Variants in DGKB observed in about 807,000 individuals in gnomAD.
DGKB encodes the protein 90 kDa diacylglycerol kinase.
DGKB carries 67 observed loss-of-function variants against 114.3 expected under a neutral mutation model. The observed-to-expected ratio is 0.59, with a 90% CI of 0.48 to 0.72. The LOEUF is 0.72. Ranked by LOEUF, DGKB falls within the 30% of genes least tolerant of loss-of-function variation. DGKB has a pLI of 0.00. For synonymous variants in DGKB, 398 were observed against 323.1 expected, an observed-to-expected ratio of 1.23 and a Z score of -2.49; for missense variants, 907 against 975.2, an observed-to-expected ratio of 0.93 and a Z score of 0.93.
chr7:14,868,199 T>C (rs993562717), intron 1 of DGKB, among the ~76,000 whole-genome samples: 2 of 152,132 alleles, frequency 1.3e-5, no homozygotes, highest in Non-Finnish European at 2.9e-5. Flanking sequence ...GTGGATGCTT[T>C]TGTGGAAAAA....
At chr7:14,596,619 T>G (rs1165911648) in intron 17 of DGKB, among the ~76,000 whole-genome samples, 1 of 152,192 alleles carries the variant, frequency 6.6e-6, no homozygotes, top group Non-Finnish European at 1.5e-5. Context: ...CCTCTTTTAG[T>G]CAGATCCTAA....
intron 23 of DGKB, among the ~76,000 whole-genome samples, chr7:14,235,908 G>A (rs1322535226): frequency 6.6e-6 from 1 of 151,956 alleles, no homozygotes; most frequent in East Asian, 1.9e-4. Flanking sequence ...TGCTTACCTA[G>A]TGCACGTGTG....
chr7:14,825,603 G>A (rs924254318), intron 2 of DGKB, among the ~76,000 whole-genome samples: 6 of 152,114 alleles, frequency 3.9e-5, no homozygotes, highest in African/African-American at 7.2e-5. Flanking sequence ...AAGCGATGGC[G>A]AGTGGCTGTA....
intron 2 of DGKB, among the ~76,000 whole-genome samples, chr7:14,762,008 G>C (rs1176403865): frequency 6.6e-6 from 1 of 152,076 alleles, no homozygotes; most frequent in Non-Finnish European, 1.5e-5. Context: ...GGCTTGACTG[G>C]CAGGGCAGGA....
chr7:14,934,623 C>A lies in DGKB; in HGVS notation c.-188+40073G>T, dbSNP rs573037196. Among the ~76,000 whole-genome samples, 8 of 152,252 alleles carry A rather than the reference C, an allele frequency of 5.3e-5. No homozygotes were observed. In the East Asian group the frequency reaches 1.5e-3, roughly 29 times the overall value. Reference sequence around the variant, plus strand: ...TAAAAGTGATCTTTATACATACATTCTACCAATCTTTGTTTGGTTTATAAA... The same window carrying A: ...TAAAAGTGATCTTTATACATACATTATACCAATCTTTGTTTGGTTTATAAA... On this transcript the variant is annotated intron_variant, in intron 1 of 4. Coordinates refer to the DGKB transcript ENST00000437998.
chr7:14,157,462 A>C (rs1343955794), intron 25 of DGKB, among the ~76,000 whole-genome samples: 1 of 152,034 alleles, frequency 6.6e-6, no homozygotes, highest in Non-Finnish European at 1.5e-5. Context: ...CTAACATCAA[A>C]TTCAGAGAAA....
intron 23 of DGKB, among the ~76,000 whole-genome samples, chr7:14,296,367 G>T (rs573030595): frequency 6.6e-6 from 1 of 152,198 alleles, no homozygotes; most frequent in East Asian, 1.9e-4. Flanking sequence ...GTATTCCATG[G>T]TATATTTGTG....
At chr7:14,476,456 G>A (rs1374080162) in intron 21 of DGKB, among the ~76,000 whole-genome samples, 2 of 152,022 alleles carry the variant, frequency 1.3e-5, no homozygotes, top group African/African-American at 4.8e-5. Context: ...ATTTTGAAAT[G>A]CACCTGGAGA....
At chr7:14,807,935 A>T (rs186073516) in intron 2 of DGKB, among the ~76,000 whole-genome samples, 6 of 152,162 alleles carry the variant, frequency 3.9e-5, no homozygotes, top group Admixed American at 3.9e-4. Flanking sequence ...CCAGGAATAG[A>T]TATCATGATG....
chr7:14,147,137 G>A lies in DGKB; in HGVS notation c.*1994C>T, dbSNP rs1393115116. 6.6e-6 allele frequency: 1 copy of A among 152,126 alleles called. No individual in the cohort carries two copies. Among genetic ancestry groups the A allele is most frequent in the African/African-American group, 2.4e-5 (1 of 41,452 alleles). 9.4% of individuals were successfully genotyped at this position (152,126 alleles called of 1,614,324 possible). A position where few individuals can be genotyped will look rare whatever the true frequency, so the allele number is the denominator to read the frequency against. On this transcript the variant is annotated 3_prime_UTR_variant, in exon 26 of 26. Transcript: ENST00000402815. ...CCATAGATACAAAAAATCAATGTGTGTGTTACGTAACATTATGTCAGTAAT... is the reference window on the plus strand; with the variant it reads ...CCATAGATACAAAAAATCAATGTGTATGTTACGTAACATTATGTCAGTAAT...
intron 6 of DGKB, among the ~76,000 whole-genome samples, chr7:14,713,367 A>G (rs1827673555): frequency 6.6e-6 from 1 of 152,060 alleles, no homozygotes; most frequent in South Asian, 2.1e-4. Context: ...AATTTCTTTA[A>G]TTCACTTTTT....
At chr7:14,698,492 A>G (rs1187790392) in intron 7 of DGKB, among the ~76,000 whole-genome samples, 1 of 152,152 alleles carries the variant, frequency 6.6e-6, no homozygotes, top group Non-Finnish European at 1.5e-5. Context: ...TGTGATTTTT[A>G]AGACACTGAA....
At chr7:14,650,797 A>G (rs1302574604) in intron 13 of DGKB, among the ~76,000 whole-genome samples, 1 of 147,344 alleles carries the variant, frequency 6.8e-6, no homozygotes, top group Non-Finnish European at 1.5e-5. Flanking sequence ...AGACGCAATA[A>G]AAAATGATAA....
chr7:14,725,440 T>C (rs1829875647), intron 5 of DGKB, among the ~76,000 whole-genome samples: 1 of 152,202 alleles, frequency 6.6e-6, no homozygotes, highest in African/African-American at 2.4e-5. Flanking sequence ...AAAGAGCCCA[T>C]GATGCCAAAT....
chr7:14,264,031 G>C (rs2128418047), intron 23 of DGKB, among the ~76,000 whole-genome samples: 1 of 152,180 alleles, frequency 6.6e-6, no homozygotes, highest in Middle Eastern at 3.4e-3. Flanking sequence ...TTTGTAGAGG[G>C]AGTGCAGTTC....
At chr7:14,757,494 A>G (rs940798823) in intron 3 of DGKB, among the ~76,000 whole-genome samples, 161 bp downstream of exon 3, 2 of 151,998 alleles carry the variant, frequency 1.3e-5, no homozygotes, top group Non-Finnish European at 2.9e-5. Flanking sequence ...ATATATACAC[A>G]CACATACACA....
At chr7:14,654,623 A>G (rs1005404842) in intron 13 of DGKB, among the ~76,000 whole-genome samples, 1 of 152,084 alleles carries the variant, frequency 6.6e-6, no homozygotes, top group Admixed American at 6.6e-5. Flanking sequence ...TGTGACTTCC[A>G]AGTATATCAC....
At chr7:14,565,317 G>A (rs902833314) in intron 20 of DGKB, among the ~76,000 whole-genome samples, 1 of 152,134 alleles carries the variant, frequency 6.6e-6, no homozygotes, top group Non-Finnish European at 1.5e-5. Flanking sequence ...GACCAGCATA[G>A]AATAGCTCCA....
chr7:14,970,274 G>A (rs1787382502), intron 1 of DGKB, among the ~76,000 whole-genome samples: 1 of 152,080 alleles, frequency 6.6e-6, no homozygotes, highest in Admixed American at 6.6e-5. Flanking sequence ...TACATCTGGA[G>A]AATTCAGCAT....
Sources: gnomAD v4.1 joint callset for allele counts (sites outside exome capture counted in the v4.1 genomes callset) on GRCh38, gnomAD v4.1.1 for gene constraint, MANE v1.5 for transcripts, NCBI Gene and HGNC (gene_info 2026-07-23, HGNC 2026-07-21) for gene names.